The following CLIC5 variants were observed in gnomAD, a reference collection of about 807,000 sequenced individuals.
The protein encoded by CLIC5 is CLIC family member 5, also known as chloride intracellular channel protein 5.
Under a neutral mutation model 24.7 loss-of-function variants are expected in CLIC5, and 20 were observed. That is an observed-to-expected ratio of 0.81 (90% CI 0.57 to 1.18). The LOEUF (loss-of-function observed/expected upper bound fraction) is 1.18. Ranked by LOEUF, CLIC5 falls within the 50% of genes most tolerant of loss-of-function variation. The pLI is 0.00. For synonymous variants in CLIC5, 159 were observed against 135.6 expected, an observed-to-expected ratio of 1.17 and a Z score of -1.20; for missense variants, 341 against 326.1, an observed-to-expected ratio of 1.05 and a Z score of -0.35.
chr6:45,903,071 G>A lies in CLIC5; in HGVS notation c.*17C>T, dbSNP rs777645379. On this transcript the variant is annotated 3_prime_UTR_variant, in exon 6 of 6. Transcript: ENST00000339561. ...GTTGAGTCCTTCTGCAGCGGGGATG[G>A]GGCAAAATGGCTGTGCTCAGGATCG... 1 of 1,613,880 alleles carries A rather than the reference G, an allele frequency of 6.2e-7. No individual in the cohort carries two copies. Among genetic ancestry groups the A allele is most frequent in the South Asian group, 1.1e-5 (1 of 91,042 alleles).
chr6:45,895,956 G>A (rs1762389824), downstream of CLIC5, among the ~76,000 whole-genome samples: 1 of 152,198 alleles, frequency 6.6e-6, no homozygotes, highest in African/African-American at 2.4e-5. Context: ...TCTACTTAAA[G>A]GAGGATTACA....
At chr6:46,007,852 C>T (rs1242706642) in intron 1 of CLIC5, among the ~76,000 whole-genome samples, 2 of 150,528 alleles carry the variant, frequency 1.3e-5, no homozygotes, top group Non-Finnish European at 3.0e-5. Context: ...CAGTGCGTGG[C>T]AGACCTGGAA....
chr6:45,912,957 C>A (rs552036729), intron 5 of CLIC5, among the ~76,000 whole-genome samples: 13 of 152,216 alleles, frequency 8.5e-5, no homozygotes, highest in Non-Finnish European at 1.0e-4. Flanking sequence ...GTACACACAA[C>A]TGAGTGACTT....
At chr6:46,013,443 C>T (rs1766875799) in intron 1 of CLIC5, among the ~76,000 whole-genome samples, 1 of 152,170 alleles carries the variant, frequency 6.6e-6, no homozygotes, top group Non-Finnish European at 1.5e-5. Flanking sequence ...ATGAGAACTG[C>T]TAACCTGAAG....
chr6:45,938,849 G>A (rs1255856707), intron 4 of CLIC5, among the ~76,000 whole-genome samples: 1 of 152,212 alleles, frequency 6.6e-6, no homozygotes, highest in African/African-American at 2.4e-5. Context: ...GATACTGGGT[G>A]TGGAGTCTGA....
intron 1 of CLIC5, among the ~76,000 whole-genome samples, chr6:46,010,463 C>G (rs528013952): frequency 1.3e-5 from 2 of 152,334 alleles, no homozygotes; most frequent in South Asian, 4.1e-4. Flanking sequence ...CAAAGTTTCA[C>G]TCTTCCACCA....
At chr6:45,895,424 T>C (rs994240706), downstream of CLIC5, among the ~76,000 whole-genome samples, 1 of 152,176 alleles carries the variant, frequency 6.6e-6, no homozygotes, top group Non-Finnish European at 1.5e-5. Flanking sequence ...GTACACACTG[T>C]TTTAGAAGGA....
chr6:45,894,125 G>A (rs1262132080), downstream of CLIC5, among the ~76,000 whole-genome samples: 2 of 152,218 alleles, frequency 1.3e-5, no homozygotes, highest in South Asian at 4.1e-4. Flanking sequence ...TTCAACACAT[G>A]GTTAAATAAA....
At chr6:45,947,055 G>A (rs1764312202) in intron 3 of CLIC5, among the ~76,000 whole-genome samples, 1 of 152,128 alleles carries the variant, frequency 6.6e-6, no homozygotes, top group African/African-American at 2.4e-5. Flanking sequence ...GTGGAGGGAG[G>A]GTCCACATCC....
chr6:46,053,929 C>T (rs1216486289), intron 1 of CLIC5, among the ~76,000 whole-genome samples: 2 of 152,144 alleles, frequency 1.3e-5, no homozygotes, highest in Non-Finnish European at 2.9e-5. Context: ...GGTAGCTTTG[C>T]TGTGTGCTCA....
At chr6:45,891,493 G>A (rs141943996) in intron 6 of CLIC5, among the ~76,000 whole-genome samples, 2,472 of 151,874 alleles carry the variant, frequency 0.016, 72 homozygotes, top group African/African-American at 0.055. Flanking sequence ...AAAATTAGCC[G>A]GGCATGGTGG....
At chr6:46,111,181 CT>C in the CLIC5 span, among the ~76,000 whole-genome samples, 200 of 143,092 alleles carry the variant, frequency 1.4e-3, no homozygotes, top group East Asian at 5.3e-3. Context: ...CAAACCTGTC[CT>C]TTTTTTTTTT....
the CLIC5 span, among the ~76,000 whole-genome samples, chr6:46,113,240 G>T: frequency 5.3e-5 from 8 of 152,142 alleles, no homozygotes; most frequent in Non-Finnish European, 1.0e-4. Flanking sequence ...CATTTGTAGT[G>T]TCTGAGCAAA....
At chr6:46,104,678 A>AG in the CLIC5 span, among the ~76,000 whole-genome samples, 1 of 152,062 alleles carries the variant, frequency 6.6e-6, no homozygotes, top group South Asian at 2.1e-4. Flanking sequence ...AAAAAAAAAA[A>AG]AAAGGAAATT....
chr6:46,030,180 T>C (rs924118353), intron 1 of CLIC5, among the ~76,000 whole-genome samples: 3 of 152,184 alleles, frequency 2.0e-5, no homozygotes, highest in Non-Finnish European at 4.4e-5. Flanking sequence ...TCCAAGATAG[T>C]GCACTACCAA....
rs886901131 is a variant in CLIC5 at position 45,901,009 on chromosome 6, A to T, written c.*2079T>A. 2.6e-5 allele frequency: 4 copies of T among 152,148 alleles called. No homozygotes were observed. The highest frequency in any genetic ancestry group is 2.6e-4 in the Admixed American group (4 of 15,278). 9.4% of individuals were successfully genotyped at this position (152,148 alleles called of 1,614,324 possible). A position where few individuals can be genotyped will look rare whatever the true frequency, so the allele number is the denominator to read the frequency against. On this transcript the variant is annotated 3_prime_UTR_variant, in exon 6 of 6. Transcript: ENST00000339561. Reference sequence around the variant, plus strand: ...ACAGATGTGTTTCCAGAACAGCCCAACTGTGGGTCTCAGGGAAGTAAACTG... The same window carrying T: ...ACAGATGTGTTTCCAGAACAGCCCATCTGTGGGTCTCAGGGAAGTAAACTG...
intron 1 of CLIC5, among the ~76,000 whole-genome samples, chr6:45,962,024 G>A (rs1764859885): frequency 6.7e-6 from 1 of 150,072 alleles, no homozygotes; most frequent in Non-Finnish European, 1.5e-5. Flanking sequence ...GTATGTGTGT[G>A]TGTGTGTGTA....
intron 4 of CLIC5, among the ~76,000 whole-genome samples, chr6:45,934,602 G>A (rs1197709188): frequency 3.3e-5 from 5 of 152,212 alleles, no homozygotes; most frequent in Admixed American, 6.5e-5. Context: ...CTCTCACTAG[G>A]GGAAAGGGAG....
chr6:45,913,194 A>G (rs538689119), intron 5 of CLIC5, among the ~76,000 whole-genome samples: 1 of 152,346 alleles, frequency 6.6e-6, no homozygotes, highest in Admixed American at 6.5e-5. Context: ...ATCACACTTT[A>G]AAAAGTTCCT....
Sources: gnomAD v4.1 joint callset for allele counts (sites outside exome capture counted in the v4.1 genomes callset) on GRCh38, gnomAD v4.1.1 for gene constraint, MANE v1.5 for transcripts, NCBI Gene and HGNC (gene_info 2026-07-23, HGNC 2026-07-21) for gene names.